DNAJB12: variants seen among roughly 807,000 people sequenced by gnomAD.
DNAJB12 encodes dnaJ homolog subfamily B member 12.
DNAJB12 carries 14 observed loss-of-function variants against 40.6 expected under a neutral mutation model. The ratio of observed to expected loss-of-function variants is 0.34; its 90% CI spans 0.23 to 0.54. DNAJB12 has a LOEUF of 0.54. Among genes scored for constraint, DNAJB12 ranks in the 20% least tolerant of loss-of-function variants. The pLI, the probability that DNAJB12 is intolerant of heterozygous loss-of-function variation, is 0.92. For synonymous variants in DNAJB12, 181 were observed against 199.5 expected (o/e 0.91, Z 0.78); for missense variants, 444 against 501.7 (o/e 0.89, Z 1.10).
intron 3 of DNAJB12, among the ~76,000 whole-genome samples, chr10:72,342,293 C>T (rs555322771): frequency 3.9e-5 from 6 of 152,392 alleles, no homozygotes; most frequent in Middle Eastern, 3.4e-3. Flanking sequence ...CTCACTCCCT[C>T]TCCTCAAGCT....
In DNAJB12 at chr10:72,338,186, T is replaced by C; in HGVS notation, c.833+16A>G. On this transcript the variant is annotated intron_variant, in intron 6 of 8. Coordinates refer to ENST00000444643, the MANE Select transcript of DNAJB12 (RefSeq NM_017626.7). ...CCCCTTGTCTGCCCATGGCCCGGCC[T>C]CACCCATGTACTCACGGTCTTGGAC... 2 of 1,610,324 alleles carry C rather than the reference T, an allele frequency of 1.2e-6. No homozygotes were observed. The highest frequency in any genetic ancestry group is 1.7e-6 in the Non-Finnish European group (2 of 1,176,732).
intron 2 of DNAJB12, among the ~76,000 whole-genome samples, chr10:72,344,009 C>T (rs947757086): frequency 2.0e-5 from 3 of 152,104 alleles, no homozygotes; most frequent in Non-Finnish European, 4.4e-5. Flanking sequence ...CCTGTCTCAG[C>T]CCCCCAAAGT....
chr10:72,336,526 T>C lies in DNAJB12; in HGVS notation c.1004A>G (p.Gln335Arg). Reference protein sequence around the residue: ...LRNNCWKEKQQKEGLLYRARY... With the variant: ...LRNNCWKEKQRKEGLLYRARY... ...CCCCGCCTTCCCCCCACACTCACTC[T>C]GCTGCTTCTCCTTCCAGCAGTTGTT... The change falls in exon 7 of 9, where the codon CAG becomes CGG. Residue 335 changes from glutamine (Q) to arginine (R), a missense_variant and splice_region_variant. Coordinates refer to ENST00000444643, the MANE Select transcript of DNAJB12 (RefSeq NM_017626.7). 1.2e-6 allele frequency: 2 copies of C among 1,613,602 alleles called. No individual in the cohort carries two copies. Among genetic ancestry groups the C allele is most frequent in the Non-Finnish European group, 1.7e-6 (2 of 1,179,796 alleles).
At position 72,335,500 on chromosome 10, in the gene DNAJB12, C is replaced by A; in HGVS notation, c.*30+280G>T. 8.6e-7 allele frequency: 1 copy of A among 1,163,678 alleles called. No homozygotes were observed. The highest frequency in any genetic ancestry group is 1.1e-6 in the Non-Finnish European group (1 of 935,770). The allele number at this position is 1,163,678 out of a possible 1,614,324, so 72.1% of individuals were successfully genotyped here. A position where few individuals can be genotyped will look rare whatever the true frequency, so the allele number is the denominator to read the frequency against. The stretch of plus-strand genomic sequence containing the variant: ...CCCGGGTGGCCCTCAGCAACAGTTT[C>A]AAGTTCCCACTCTGCCTGGTTCTGG... On this transcript the variant is annotated intron_variant, in intron 8 of 8. Transcript: ENST00000444643. The surrounding 1 kb of genome is among the most constrained non-coding windows in gnomAD (Gnocchi z 4.4).
intron 8 of DNAJB12, chr10:72,334,870 CAG>C (rs767351553): frequency 3.0e-6 from 4 of 1,312,840 alleles, no homozygotes; most frequent in Non-Finnish European, 3.9e-6. Context: ...GGCACCCACA[CAG>C]AGAAGAACCT....
chr10:72,345,468 G>A (rs186076783), intron 1 of DNAJB12, among the ~76,000 whole-genome samples: 134 of 151,688 alleles, frequency 8.8e-4, no homozygotes, highest in Non-Finnish European at 1.3e-3. Flanking sequence ...CAGATGTGGT[G>A]GCGGGCGCCT....
chr10:72,343,503 T>C lies in DNAJB12; in HGVS notation c.320A>G (p.Gln107Arg), dbSNP rs748494695. 1 of 1,614,114 alleles carries C rather than the reference T, an allele frequency of 6.2e-7. No homozygotes were observed. The highest frequency in any genetic ancestry group is 8.5e-7 in the Non-Finnish European group (1 of 1,180,010). The change falls in exon 3 of 9, where the codon CAA (glutamine) becomes CGA (arginine). Residue 107 changes from glutamine to arginine, a missense_variant. Gln to Arg is a conservative substitution (Grantham distance 43, BLOSUM62 1). Transcript: ENST00000444643. ...CAGGATCTCATAGTAATCTTTACAT[T>C]GCTTGACCCTGGGGAAGGAGGAGAC... ...EQVAAVKRVK[Q>R]CKDYYEILGV...
At chr10:72,340,576 C>T (rs984075753) in intron 5 of DNAJB12, among the ~76,000 whole-genome samples, 3 of 152,202 alleles carry the variant, frequency 2.0e-5, no homozygotes, top group Non-Finnish European at 4.4e-5. Flanking sequence ...GCGCTCCCGC[C>T]GGCAATGTGG....
chr10:72,336,014 G>GAGGA, intron 7 of DNAJB12, 83 bp from the exon 8 acceptor site: 1 of 1,556,510 alleles, frequency 6.4e-7, no homozygotes. Flanking sequence ...GTGGAGGGCG[G>GAGGA]AGGAAAGCTG....
chr10:72,340,726 G>T (rs1430425240), intron 5 of DNAJB12, 63 bp downstream of exon 5: 14 of 1,526,034 alleles, frequency 9.2e-6, no homozygotes, highest in Non-Finnish European at 1.2e-5. Flanking sequence ...CCTCCTCCAA[G>T]CCCCCTCCCT....
At chr10:72,334,946 AAC>A in intron 8 of DNAJB12, 3 of 1,184,022 alleles carry the variant, frequency 2.5e-6, no homozygotes, top group Non-Finnish European at 3.1e-6. Context: ...AAACGCTGGG[AAC>A]AGAGCCCAGC....
At position 72,335,827 on chromosome 10, in the gene DNAJB12, C is replaced by A; in HGVS notation, c.1111G>T (p.Ala371Ser). ...GCCCAGGACTATCCATGCAGGGAGG[C>A]CTGCACCTCTGACAGTCGGCTGCAG... is the stretch of plus-strand genomic sequence containing the variant. ...PSCSRLSEVQ[A>S]SLHG The change falls in exon 8 of 9, where the codon GCC (alanine) becomes TCC (serine). Residue 371 changes from alanine to serine, a missense_variant. Physicochemically the swap from Ala to Ser is moderately conservative, Grantham distance 99. Transcript: ENST00000444643. This position sits in a 1 kb window ranked among gnomAD's most constrained non-coding sequence, Gnocchi z 4.4. 1 of 1,614,156 alleles carries A rather than the reference C, an allele frequency of 6.2e-7. No individual in the cohort carries two copies. The highest frequency in any genetic ancestry group is 8.5e-7 in the Non-Finnish European group (1 of 1,179,998).
chr10:72,336,964 G>C (rs1483315473), intron 6 of DNAJB12: 2 of 330,052 alleles, frequency 6.1e-6, no homozygotes, highest in Non-Finnish European at 1.1e-5. Flanking sequence ...GGAGAGGCCT[G>C]GTCTAGGGAA....
rs941963818 is a variant in DNAJB12, at chr10:72,343,381, T to C, written c.442A>G (p.Thr148Ala). Residue 148 changes from threonine (T) to alanine (A), a missense_variant, in exon 3 of 9, where the codon ACT becomes GCT. Physicochemically the swap from Thr to Ala is moderately conservative, Grantham distance 58. Transcript: ENST00000444643. ...HPDKNHAPGA[T>A]EAFKAIGTAY... ...GCTGGCTTACCTTTGAAGGCTTCAGTGGCACCAGGTGCGTGGTTCTTGTCT... is the reference window on the plus strand; with the variant it reads ...GCTGGCTTACCTTTGAAGGCTTCAGCGGCACCAGGTGCGTGGTTCTTGTCT... The C allele has an allele frequency of 1.2e-6, 2 of 1,613,482 alleles. No individual in the cohort carries two copies. The highest frequency in any genetic ancestry group is 1.7e-6 in the Non-Finnish European group (2 of 1,179,770).
intron 1 of DNAJB12, among the ~76,000 whole-genome samples, chr10:72,346,698 T>A (rs1861798004): frequency 6.6e-6 from 1 of 151,898 alleles, no homozygotes; most frequent in Non-Finnish European, 1.5e-5. Context: ...TGACCTCAAG[T>A]GATCTGCCCA....
chr10:72,339,801 C>T (rs982724461), intron 5 of DNAJB12, among the ~76,000 whole-genome samples: 2 of 150,952 alleles, frequency 1.3e-5, no homozygotes, highest in African/African-American at 4.9e-5. Context: ...ACAACCTCTG[C>T]CTCCTGGGTT....
At position 72,335,532 on chromosome 10, in the gene DNAJB12, C is replaced by T; in HGVS notation, c.*30+248G>A. 1 of 1,241,164 alleles carries T rather than the reference C, an allele frequency of 8.1e-7. No individual in the cohort carries two copies. Among genetic ancestry groups the T allele is most frequent in the South Asian group, 2.0e-5 (1 of 50,250 alleles). 76.9% of individuals were successfully genotyped at this position (1,241,164 alleles called of 1,614,324 possible). A position where few individuals can be genotyped will look rare whatever the true frequency, so the allele number is the denominator to read the frequency against. On this transcript the variant is annotated intron_variant, in intron 8 of 8. Transcript: ENST00000444643. This position sits in a 1 kb window ranked among gnomAD's most constrained non-coding sequence, Gnocchi z 4.4. ...CCACTCTGCCTGGTTCTGGGGTCCCCCACACCCCTGGAGCCAGGGAGCAGA... is the reference window on the plus strand; with the variant it reads ...CCACTCTGCCTGGTTCTGGGGTCCCTCACACCCCTGGAGCCAGGGAGCAGA...
chr10:72,348,445 G>A (rs1467932911), intron 1 of DNAJB12, among the ~76,000 whole-genome samples: 1 of 152,222 alleles, frequency 6.6e-6, no homozygotes, highest in Non-Finnish European at 1.5e-5. Flanking sequence ...GCATCCCTCT[G>A]TGCTAAGGAA....
intron 4 of DNAJB12, 29 bp from the exon 5 acceptor site, chr10:72,340,897 C>A (rs369170380): frequency 1.1e-5 from 17 of 1,612,066 alleles, no homozygotes; most frequent in Non-Finnish European, 1.4e-5. Context: ...GAGTCAGGAG[C>A]CAGGTCTGTT....
Sources: allele counts gnomAD v4.1 joint callset (sites outside exome capture counted in the v4.1 genomes callset), GRCh38; gene constraint gnomAD v4.1.1; non-coding constraint Gnocchi (gnomAD v3.1); transcripts MANE v1.5; gene names NCBI Gene and HGNC (gene_info 2026-07-23, HGNC 2026-07-21).